ACVR2B: variants seen among roughly 807,000 people sequenced by gnomAD.
ACVR2B encodes the protein activin A receptor type 2B.
ACVR2B carries 18 observed loss-of-function variants against 65.1 expected under a neutral mutation model. The observed-to-expected ratio is 0.28, with a 90% CI of 0.19 to 0.41. The LOEUF is 0.41. Ranked by LOEUF, ACVR2B falls within the 10% of genes least tolerant of loss-of-function variation. The pLI, the probability that ACVR2B is intolerant of heterozygous loss-of-function variation, is 1.00. For missense variants in ACVR2B, 482 were observed against 682.7 expected, an observed-to-expected ratio of 0.71 and a Z score of 3.28; for synonymous variants, 298 against 277.7, an observed-to-expected ratio of 1.07 and a Z score of -0.73.
chr3:38,479,005 G>A, intron 5 of ACVR2B, 123 bp from the exon 6 acceptor site: 2 of 1,305,160 alleles, frequency 1.5e-6, no homozygotes, highest in Non-Finnish European at 2.2e-6. Flanking sequence ...GCTGGGGGGT[G>A]GGGATTGGGC....
chr3:38,471,180 A>G (rs1264170669), intron 1 of ACVR2B, among the ~76,000 whole-genome samples: 4 of 152,228 alleles, frequency 2.6e-5, no homozygotes, highest in African/African-American at 9.6e-5. Context: ...AGTAAGAAAA[A>G]TTTTATTACC....
rs576552241 is a variant in ACVR2B at position 38,491,080 on chromosome 3, A to G, written c.*7748A>G. 1.3e-5 allele frequency: 2 copies of G among 152,762 alleles called. No homozygotes were observed. Among genetic ancestry groups the G allele is most frequent in the Admixed American group, 1.3e-4 (2 of 15,302 alleles). 9.5% of individuals were successfully genotyped at this position (152,762 alleles called of 1,614,324 possible). ...CAGGATAAAAAACCCACTATCCACCATAGTGCATTTTGGGAAGATGTCTGT... is the reference window on the plus strand; with the variant it reads ...CAGGATAAAAAACCCACTATCCACCGTAGTGCATTTTGGGAAGATGTCTGT... On this transcript the variant is annotated 3_prime_UTR_variant, in exon 11 of 11. Transcript: ENST00000352511.
At chr3:38,458,565 G>C (rs1709588358) in intron 1 of ACVR2B, among the ~76,000 whole-genome samples, 1 of 152,158 alleles carries the variant, frequency 6.6e-6, no homozygotes, top group South Asian at 2.1e-4. Flanking sequence ...CGGATGTTCA[G>C]ATTCTAGCCC....
chr3:38,466,700 T>G (rs1709734824), intron 1 of ACVR2B, among the ~76,000 whole-genome samples: 1 of 152,118 alleles, frequency 6.6e-6, no homozygotes, highest in African/African-American at 2.4e-5. Flanking sequence ...AGACAGAGTT[T>G]CACCATGTTG....
intron 1 of ACVR2B, chr3:38,454,672 A>C: frequency 3.6e-6 from 1 of 274,442 alleles, no homozygotes; most frequent in Non-Finnish European, 6.8e-6. Flanking sequence ...GGCGCGTGGA[A>C]CCCAGGGAAA....
Position 38,454,175 on chromosome 3 carries a change from G to A in ACVR2B, c.-148G>A. ...CCCTTGGAGCCCGAACGCTGCTCGG[G>A]GACGAAGGCGCAGGAAGCGCGCAGG... On this transcript the variant is annotated 5_prime_UTR_variant, in exon 1 of 11. Transcript: ENST00000352511. 1 of 496,778 alleles carries A rather than the reference G, an allele frequency of 2.0e-6. No individual in the cohort carries two copies. Among genetic ancestry groups the A allele is most frequent in the Non-Finnish European group, 2.8e-6 (1 of 359,310 alleles). The allele number at this position is 496,778 out of a possible 1,614,324, so 30.8% of individuals were successfully genotyped here. A position where few individuals can be genotyped will look rare whatever the true frequency, so the allele number is the denominator to read the frequency against.
rs1710166710 is a variant in ACVR2B at position 38,488,914 on chromosome 3, C to G, written c.*5582C>G. Reference sequence around the variant, plus strand: ...GTAAACCAACCACAGGGCACTAAAGCAATGTACACACCACTCTTTGTGTGT... The same window carrying G: ...GTAAACCAACCACAGGGCACTAAAGGAATGTACACACCACTCTTTGTGTGT... On this transcript the variant is annotated 3_prime_UTR_variant, in exon 11 of 11. Transcript: ENST00000352511. 1 of 152,182 alleles carries G rather than the reference C, an allele frequency of 6.6e-6. No individual in the cohort carries two copies. Among genetic ancestry groups the G allele is most frequent in the Non-Finnish European group, 1.5e-5 (1 of 68,054 alleles). 9.4% of individuals were successfully genotyped at this position (152,182 alleles called of 1,614,324 possible).
intron 1 of ACVR2B, among the ~76,000 whole-genome samples, chr3:38,464,389 G>T (rs1052842078): frequency 2.6e-5 from 4 of 152,180 alleles, no homozygotes; most frequent in Non-Finnish European, 5.9e-5. Context: ...CTAAAAGCTG[G>T]GTGAAAAGTA....
Position 38,454,304 on chromosome 3 carries a change from C to G in ACVR2B, c.-19C>G. On this transcript the variant is annotated 5_prime_UTR_variant, in exon 1 of 11. Transcript: ENST00000352511. ...CCTGCCCGCGGGCTCCGGGTGTGCG[C>G]GGGGCGGCGCCGCGGAACATGACGG... 1 of 1,268,972 alleles carries G rather than the reference C, an allele frequency of 7.9e-7. No homozygotes were observed. Among genetic ancestry groups the G allele is most frequent in the Non-Finnish European group, 9.9e-7 (1 of 1,008,922 alleles). The allele number at this position is 1,268,972 out of a possible 1,614,324, so 78.6% of individuals were successfully genotyped here. A position where few individuals can be genotyped will look rare whatever the true frequency, so the allele number is the denominator to read the frequency against.
At chr3:38,462,696 A>G (rs1368662855) in intron 1 of ACVR2B, among the ~76,000 whole-genome samples, 1 of 152,212 alleles carries the variant, frequency 6.6e-6, no homozygotes. Context: ...AATATTCTAA[A>G]GTTTAAATAT....
chr3:38,484,190 C>T lies in ACVR2B; in HGVS notation c.*858C>T, dbSNP rs1710073951. 1 of 152,586 alleles carries T rather than the reference C, an allele frequency of 6.6e-6. No homozygotes were observed. The highest frequency in any genetic ancestry group is 1.9e-4 in the East Asian group (1 of 5,192). The allele number at this position is 152,586 out of a possible 1,614,324, so 9.5% of individuals were successfully genotyped here. A position where few individuals can be genotyped will look rare whatever the true frequency, so the allele number is the denominator to read the frequency against. On this transcript the variant is annotated 3_prime_UTR_variant, in exon 11 of 11. Transcript: ENST00000352511. ...GCTGGCCCTGACCAGTTTCTTTTCA[C>T]TAACTTGGCCTTGGGCATAGGATGA...
intron 1 of ACVR2B, among the ~76,000 whole-genome samples, chr3:38,462,457 A>G (rs893314381): frequency 1.3e-5 from 2 of 152,108 alleles, no homozygotes; most frequent in Non-Finnish European, 2.9e-5. Flanking sequence ...GCCCACACCC[A>G]CTAAGGTTAA....
In ACVR2B at chr3:38,454,194, G is replaced by A; in HGVS notation, c.-129G>A. 1 of 644,194 alleles carries A rather than the reference G, an allele frequency of 1.6e-6. No homozygotes were observed. Among genetic ancestry groups the A allele is most frequent in the South Asian group, 6.1e-5 (1 of 16,320 alleles). 39.9% of individuals were successfully genotyped at this position (644,194 alleles called of 1,614,324 possible). Reference sequence around the variant, plus strand: ...GCTCGGGGACGAAGGCGCAGGAAGCGCGCAGGGAACGAGACCGAAGGAAGG... The same window carrying A: ...GCTCGGGGACGAAGGCGCAGGAAGCACGCAGGGAACGAGACCGAAGGAAGG... On this transcript the variant is annotated 5_prime_UTR_variant, in exon 1 of 11. Coordinates refer to ENST00000352511, the MANE Select transcript of ACVR2B (RefSeq NM_001106.4).
At chr3:38,460,607 T>C (rs1478297882) in intron 1 of ACVR2B, among the ~76,000 whole-genome samples, 2 of 152,212 alleles carry the variant, frequency 1.3e-5, no homozygotes, top group East Asian at 3.9e-4. Context: ...TTTCTGGGAC[T>C]GGCAGCTCCA....
rs1361747649 is a variant in ACVR2B, at chr3:38,486,595, G to A, written c.*3263G>A. The A allele has an allele frequency of 6.6e-6, 1 of 152,188 alleles. No individual in the cohort carries two copies. Among genetic ancestry groups the A allele is most frequent in the Admixed American group, 6.5e-5 (1 of 15,268 alleles). 9.4% of individuals were successfully genotyped at this position (152,188 alleles called of 1,614,324 possible). A position where few individuals can be genotyped will look rare whatever the true frequency, so the allele number is the denominator to read the frequency against. ...CTTTTTGTTTTTGACCTCAGGCTCTGTGGCAGACTGGGGAAAATGGGGCCT... is the reference window on the plus strand; with the variant it reads ...CTTTTTGTTTTTGACCTCAGGCTCTATGGCAGACTGGGGAAAATGGGGCCT... On this transcript the variant is annotated 3_prime_UTR_variant, in exon 11 of 11. Transcript: ENST00000352511.
chr3:38,460,635 A>G (rs1001867527), intron 1 of ACVR2B, among the ~76,000 whole-genome samples: 3 of 152,124 alleles, frequency 2.0e-5, no homozygotes, highest in African/African-American at 4.8e-5. Context: ...GTTTTCATTC[A>G]TGGACGCATG....
Position 38,485,751 on chromosome 3 carries a change from A to C in ACVR2B, c.*2419A>C, listed in dbSNP as rs1397884165. ...TCCCTTAGAATAATTTTTAATGGCAAAACAGGCCTTACAGCAGTTGCTTTT... is the reference window on the plus strand; with the variant it reads ...TCCCTTAGAATAATTTTTAATGGCACAACAGGCCTTACAGCAGTTGCTTTT... On this transcript the variant is annotated 3_prime_UTR_variant, in exon 11 of 11. Transcript: ENST00000352511. The C allele has an allele frequency of 6.7e-6, 1 of 150,124 alleles. No individual in the cohort carries two copies. Among genetic ancestry groups the C allele is most frequent in the African/African-American group, 2.5e-5 (1 of 40,546 alleles). 9.3% of individuals were successfully genotyped at this position (150,124 alleles called of 1,614,324 possible).
intron 1 of ACVR2B, among the ~76,000 whole-genome samples, chr3:38,465,484 A>G (rs1391756814): frequency 6.6e-6 from 1 of 152,156 alleles, no homozygotes; most frequent in Admixed American, 6.5e-5. Flanking sequence ...AAAACTATAA[A>G]CCAAAGGAAA....
Position 38,483,658 on chromosome 3 carries a change from T to C in ACVR2B, c.*326T>C, listed in dbSNP as rs1290328344. ...CCACCTCCTGTCCTTTGGGATTCGT[T>C]TTTCCCGCTTTCTCTTTGTTTGTCG... On this transcript the variant is annotated 3_prime_UTR_variant, in exon 11 of 11. Transcript: ENST00000352511. The surrounding 1 kb of genome is among the most constrained non-coding windows in gnomAD (Gnocchi z 4.8). 6.4e-6 allele frequency: 1 copy of C among 156,300 alleles called. No individual in the cohort carries two copies. The highest frequency in any genetic ancestry group is 1.4e-5 in the Non-Finnish European group (1 of 71,324). The allele number at this position is 156,300 out of a possible 1,614,324, so 9.7% of individuals were successfully genotyped here. A position where few individuals can be genotyped will look rare whatever the true frequency, so the allele number is the denominator to read the frequency against.
Sources: gnomAD v4.1 joint callset for allele counts (sites outside exome capture counted in the v4.1 genomes callset) on GRCh38, gnomAD v4.1.1 for gene constraint, Gnocchi (gnomAD v3.1) non-coding constraint, MANE v1.5 for transcripts, NCBI Gene and HGNC (gene_info 2026-07-23, HGNC 2026-07-21) for gene names.